Variants in SCLT1 observed in about 807,000 individuals in gnomAD.
The protein encoded by SCLT1 is sodium channel-associated protein 1.
Under a neutral mutation model 112.8 loss-of-function variants are expected in SCLT1, and 78 were observed. The observed-to-expected ratio is 0.69, with a 90% confidence interval of 0.58 to 0.83. SCLT1 has a LOEUF of 0.83. Ranked by LOEUF, SCLT1 falls within the 40% of genes least tolerant of loss-of-function variation. The probability of loss-of-function intolerance (pLI) is 0.00; values close to 1 mark genes in which losing one functional copy is unlikely to be tolerated. For synonymous variants in SCLT1, 257 were observed against 254.7 expected (o/e 1.01, Z -0.09); for missense variants, 747 against 770.4 (o/e 0.97, Z 0.36).
chr4:128,945,564 T>C (rs1246253915), intron 16 of SCLT1, among the ~76,000 whole-genome samples: 2 of 152,064 alleles, frequency 1.3e-5, no homozygotes, highest in Non-Finnish European at 2.9e-5. Flanking sequence ...GGTAATACCG[T>C]CGGGGTGGGG....
At chr4:128,916,453 A>G (rs1447584459) in intron 18 of SCLT1, among the ~76,000 whole-genome samples, 1 of 152,182 alleles carries the variant, frequency 6.6e-6, no homozygotes, top group African/African-American at 2.4e-5. Context: ...TTTCTCTTAT[A>G]CTTGACCCAA....
chr4:129,035,094 C>G (rs1298342199), intron 5 of SCLT1, among the ~76,000 whole-genome samples: 1 of 152,136 alleles, frequency 6.6e-6, no homozygotes, highest in East Asian at 1.9e-4. Context: ...TATTTTCTTA[C>G]TTCACCTAAT....
intron 5 of SCLT1, among the ~76,000 whole-genome samples, chr4:129,016,998 A>G (rs925556392): frequency 1.3e-5 from 2 of 152,220 alleles, no homozygotes; most frequent in African/African-American, 4.8e-5. Context: ...GTTAAAAATG[A>G]CAAAGTGTTC....
intron 1 of SCLT1, among the ~76,000 whole-genome samples, chr4:129,091,605 T>A (rs1165024592): frequency 6.6e-6 from 1 of 152,166 alleles, no homozygotes; most frequent in Non-Finnish European, 1.5e-5. Context: ...ATATTCCCAC[T>A]GCAAACCTAA....
chr4:128,939,482 C>T (rs1737498789), intron 17 of SCLT1, among the ~76,000 whole-genome samples: 1 of 152,058 alleles, frequency 6.6e-6, no homozygotes, highest in Non-Finnish European at 1.5e-5. Context: ...TACAAAAATT[C>T]TATTAATGAT....
intron 18 of SCLT1, among the ~76,000 whole-genome samples, chr4:128,901,406 C>T (rs527733206): frequency 6.6e-6 from 1 of 151,632 alleles, no homozygotes; most frequent in Admixed American, 6.6e-5. Flanking sequence ...TCATTCTCAG[C>T]AAACTATCGC....
At chr4:129,001,050 C>G (rs975522048) in intron 6 of SCLT1, among the ~76,000 whole-genome samples, 1 of 151,902 alleles carries the variant, frequency 6.6e-6, no homozygotes, top group Non-Finnish European at 1.5e-5. Flanking sequence ...TGGGTGTGAT[C>G]TCTAATTCCT....
chr4:129,060,078 G>C (rs1749816533), intron 2 of SCLT1, among the ~76,000 whole-genome samples: 1 of 152,026 alleles, frequency 6.6e-6, no homozygotes, highest in African/African-American at 2.4e-5. Context: ...CCGTCTTCAA[G>C]TTCTGAGATT....
chr4:129,092,376 G>T (rs1355288208), intron 1 of SCLT1, among the ~76,000 whole-genome samples: 1 of 152,190 alleles, frequency 6.6e-6, no homozygotes, highest in South Asian at 2.1e-4. Context: ...TATTTGGGAT[G>T]CCTAGAGTTT....
intron 2 of SCLT1, among the ~76,000 whole-genome samples, chr4:129,065,377 C>G (rs942887675): frequency 1.3e-5 from 2 of 151,852 alleles, no homozygotes. Context: ...ACTTTAAGTA[C>G]TTAGAATGTT....
chr4:128,948,642 T>C lies in SCLT1; in HGVS notation c.1219-72A>G, dbSNP rs989626705. The C allele has an allele frequency of 2.7e-6, 3 of 1,120,368 alleles. No homozygotes were observed. In the African/African-American group the frequency reaches 4.7e-5, roughly 18 times the overall value. 69.4% of individuals were successfully genotyped at this position (1,120,368 alleles called of 1,614,324 possible). ...TAAGAAAAGTGGGGAAAAATTATAA[T>C]TTGTTCATAATGGGAATATCATAGT... is the stretch of plus-strand genomic sequence containing the variant. On this transcript the variant is annotated intron_variant, in intron 14 of 20. Coordinates refer to ENST00000281142, the MANE Select transcript of SCLT1 (RefSeq NM_144643.4).
rs981744575 is a variant in SCLT1 at position 128,943,268 on chromosome 4, A to G, written c.1440-80T>C. On this transcript the variant is annotated intron_variant, in intron 16 of 20. Transcript: ENST00000281142. ...GATAAAAGTCTGTCTACATTTTATC[A>G]CATGGACTTTTGTTTGCTTTATTCT... 17 of 993,490 alleles carry G rather than the reference A, an allele frequency of 1.7e-5. No homozygotes were observed. In the Admixed American group the frequency reaches 3.5e-4, roughly 20 times the overall value. The allele number at this position is 993,490 out of a possible 1,614,324, so 61.5% of individuals were successfully genotyped here.
chr4:128,908,437 C>T (rs768878044), intron 18 of SCLT1, among the ~76,000 whole-genome samples: 10 of 147,350 alleles, frequency 6.8e-5, no homozygotes, highest in Non-Finnish European at 1.0e-4. Flanking sequence ...TACAGATATA[C>T]AGCCAAGGAA....
At chr4:128,895,649 G>A (rs966170264) in intron 18 of SCLT1, among the ~76,000 whole-genome samples, 32 of 152,276 alleles carry the variant, frequency 2.1e-4, no homozygotes, top group Non-Finnish European at 3.8e-4. Flanking sequence ...TCCAACTGAG[G>A]TACCGGGTTC....
chr4:128,973,446 GAA>G (rs1740870457), intron 9 of SCLT1, among the ~76,000 whole-genome samples: 1 of 143,082 alleles, frequency 7.0e-6, no homozygotes, highest in Admixed American at 7.0e-5. Flanking sequence ...GAGGGGAGGG[GAA>G]GGAGTAGTGG....
chr4:129,084,901 C>A (rs1752261806), intron 1 of SCLT1, among the ~76,000 whole-genome samples: 1 of 152,128 alleles, frequency 6.6e-6, no homozygotes, highest in Admixed American at 6.5e-5. Flanking sequence ...AAATGTAAAA[C>A]CCCAAACTAT....
intron 10 of SCLT1, among the ~76,000 whole-genome samples, chr4:128,966,694 C>T (rs12501997): frequency 0.09 from 13,728 of 152,186 alleles, 783 homozygotes; most frequent in South Asian, 0.15. Flanking sequence ...TGCAGGTCTG[C>T]TGGGGACAAA....
intron 2 of SCLT1, among the ~76,000 whole-genome samples, chr4:129,058,092 A>G (rs113868166): frequency 4.6e-5 from 7 of 151,758 alleles, no homozygotes; most frequent in African/African-American, 1.7e-4. Flanking sequence ...TCGTTTTTTC[A>G]CTTCTGACTT....
Position 129,093,221 on chromosome 4 carries a change from G to T in SCLT1, c.-118C>A. On this transcript the variant is annotated 5_prime_UTR_variant, in exon 1 of 21. In the 5' UTR this introduces an upstream ATG that the reference lacks. Transcript: ENST00000281142. ...GCTCGGTTGGTTGTCAAGCGCTCCA[G>T]CGGTGCAATCTGCATCCTACTCACG... 1.1e-6 allele frequency: 1 copy of T among 921,706 alleles called. No homozygotes were observed. Among genetic ancestry groups the T allele is most frequent in the Non-Finnish European group, 1.8e-6 (1 of 560,890 alleles). The allele number at this position is 921,706 out of a possible 1,614,324, so 57.1% of individuals were successfully genotyped here. A position where few individuals can be genotyped will look rare whatever the true frequency, so the allele number is the denominator to read the frequency against.
Sources: allele counts gnomAD v4.1 joint callset (sites outside exome capture counted in the v4.1 genomes callset), GRCh38; gene constraint gnomAD v4.1.1; transcripts MANE v1.5; gene names NCBI Gene and HGNC (gene_info 2026-07-23, HGNC 2026-07-21).